The following LRRC18 variants were observed in gnomAD, a reference collection of about 807,000 sequenced individuals.
The protein encoded by LRRC18 is leucine rich repeat containing 18.
Under a neutral mutation model 11.2 loss-of-function variants are expected in LRRC18, and 12 were observed. That is an observed-to-expected ratio of 1.07 (90% CI 0.69 to 1.74). The LOEUF is 1.74. Among genes scored for constraint, LRRC18 ranks in the 40% most tolerant of loss-of-function variants. The pLI is 0.00. For synonymous variants in LRRC18, 155 were observed against 130.6 expected, an observed-to-expected ratio of 1.19 and a Z score of -1.27; for missense variants, 374 against 330.5, an observed-to-expected ratio of 1.13 and a Z score of -1.02.
chr10:48,923,854 A>C, the LRRC18 span, among the ~76,000 whole-genome samples: 26 of 152,132 alleles, frequency 1.7e-4, no homozygotes, highest in Non-Finnish European at 2.9e-4. Flanking sequence ...GGCCAAACAC[A>C]CTGAGCATGG....
chr10:48,910,979 C>A (rs1406539009), intron 1 of LRRC18: 1 of 878,730 alleles, frequency 1.1e-6, no homozygotes, highest in Non-Finnish European at 1.4e-6. Context: ...GAAAAAGTGT[C>A]TGAAGGGGGA....
chr10:48,914,798 C>T (rs189487390), upstream of LRRC18, among the ~76,000 whole-genome samples: 3 of 152,306 alleles, frequency 2.0e-5, no homozygotes, highest in Admixed American at 2.0e-4. Context: ...GCCTGTTGCT[C>T]AGCCCAGGGA....
chr10:48,936,371 A>G, the LRRC18 span, among the ~76,000 whole-genome samples: 2 of 152,148 alleles, frequency 1.3e-5, no homozygotes, highest in African/African-American at 4.8e-5. Flanking sequence ...ATTACCTCAA[A>G]TTCTACTACC....
chr10:48,927,605 A>C, the LRRC18 span, among the ~76,000 whole-genome samples: 1 of 152,212 alleles, frequency 6.6e-6, no homozygotes, highest in Non-Finnish European at 1.5e-5. Context: ...ATGCATTTAT[A>C]GCTTTGTCTG....
At chr10:48,925,006 T>G in the LRRC18 span, among the ~76,000 whole-genome samples, 1 of 152,218 alleles carries the variant, frequency 6.6e-6, no homozygotes, top group Non-Finnish European at 1.5e-5. Flanking sequence ...GAAACCCCCA[T>G]AGACACTGCC....
At chr10:48,933,816 T>C in the LRRC18 span, among the ~76,000 whole-genome samples, 1 of 152,222 alleles carries the variant, frequency 6.6e-6, no homozygotes, top group Admixed American at 6.5e-5. Flanking sequence ...TTCAGGGGCC[T>C]GGAAACATCA....
At chr10:48,914,546 G>C (rs553884792), upstream of LRRC18, among the ~76,000 whole-genome samples, 27 of 152,288 alleles carry the variant, frequency 1.8e-4, no homozygotes, top group South Asian at 3.3e-3. Flanking sequence ...CCCCAACCCA[G>C]AGCCATGTGT....
chr10:48,938,208 T>C, the LRRC18 span, among the ~76,000 whole-genome samples: 3 of 152,212 alleles, frequency 2.0e-5, no homozygotes, highest in African/African-American at 7.2e-5. Flanking sequence ...CAACACAACA[T>C]GGGAGAATTT....
chr10:48,910,833 G>C (rs1837930301), intron 1 of LRRC18: 1 of 814,588 alleles, frequency 1.2e-6, no homozygotes, highest in Non-Finnish European at 1.5e-6. Context: ...GGCAAGAAGT[G>C]TGCTGCAGCG....
upstream of LRRC18, among the ~76,000 whole-genome samples, chr10:48,918,623 T>TTGG (rs1838767494): frequency 6.6e-6 from 1 of 152,220 alleles, no homozygotes; most frequent in Non-Finnish European, 1.5e-5. Flanking sequence ...ACCATTAGAA[T>TTGG]TGGAGACATC....
At chr10:48,923,906 T>C in the LRRC18 span, among the ~76,000 whole-genome samples, 2 of 152,266 alleles carry the variant, frequency 1.3e-5, no homozygotes, top group Admixed American at 1.3e-4. Context: ...TTCCAGCAAA[T>C]GGGACATCCA....
At chr10:48,938,716 G>C in the LRRC18 span, among the ~76,000 whole-genome samples, 1 of 151,866 alleles carries the variant, frequency 6.6e-6, no homozygotes, top group African/African-American at 2.4e-5. Context: ...AAGCTCGTCT[G>C]GGGGGGTAAA....
the LRRC18 span, among the ~76,000 whole-genome samples, chr10:48,931,755 C>T: frequency 6.6e-6 from 1 of 152,348 alleles, no homozygotes; most frequent in Admixed American, 6.5e-5. Flanking sequence ...ATTTCCTTTT[C>T]CTCCTGGAAT....
the LRRC18 span, among the ~76,000 whole-genome samples, chr10:48,939,067 C>T: frequency 7.9e-5 from 12 of 152,226 alleles, no homozygotes; most frequent in African/African-American, 2.4e-4. Flanking sequence ...CCAGCAAACC[C>T]TGAGGAGCTT....
At chr10:48,924,996 G>T in the LRRC18 span, among the ~76,000 whole-genome samples, 2 of 152,198 alleles carry the variant, frequency 1.3e-5, no homozygotes, top group Non-Finnish European at 2.9e-5. Context: ...ACATGGAACT[G>T]AAACCCCCAT....
chr10:48,932,529 T>C, the LRRC18 span: 1 of 152,216 alleles, frequency 6.6e-6, no homozygotes, highest in Admixed American at 6.5e-5. Flanking sequence ...CCTCATTCAG[T>C]CATCTGTCCA....
the LRRC18 span, among the ~76,000 whole-genome samples, chr10:48,933,332 G>A: frequency 6.6e-6 from 1 of 152,216 alleles, no homozygotes; most frequent in African/African-American, 2.4e-5. Context: ...CCACTTCACA[G>A]ATGAAACACC....
At chr10:48,925,768 TG>T in the LRRC18 span, among the ~76,000 whole-genome samples, 7 of 152,070 alleles carry the variant, frequency 4.6e-5, no homozygotes, top group Non-Finnish European at 8.8e-5. Context: ...CTCCACAGTT[TG>T]GGGGGATTTC....
chr10:48,915,631 C>A (rs1233436684), upstream of LRRC18, among the ~76,000 whole-genome samples: 1 of 152,074 alleles, frequency 6.6e-6, no homozygotes. Flanking sequence ...GTATGTTTTC[C>A]TCACCCAGTG....
Sources: gnomAD v4.1 joint callset for allele counts (sites outside exome capture counted in the v4.1 genomes callset) on GRCh38, gnomAD v4.1.1 for gene constraint, MANE v1.5 for transcripts, NCBI Gene and HGNC (gene_info 2026-07-23, HGNC 2026-07-21) for gene names.